The following GPC5 variants were observed in gnomAD, a reference collection of about 807,000 sequenced individuals.
The protein encoded by GPC5 is glypican 5, also known as glypican-5.
In GPC5, 47 loss-of-function variants were observed where a neutral mutation model predicts 53.9. That is an observed-to-expected ratio of 0.87 (90% CI 0.69 to 1.11). The LOEUF is 1.11. Among genes scored for constraint, GPC5 ranks in the 50% most tolerant of loss-of-function variants. The pLI is 0.00. For synonymous variants in GPC5, 286 were observed against 263.3 expected (o/e 1.09, Z -0.84); for missense variants, 748 against 713.1 (o/e 1.05, Z -0.56).
At chr13:92,267,401 A>T (rs1594051277) in intron 7 of GPC5, among the ~76,000 whole-genome samples, 2 of 151,896 alleles carry the variant, frequency 1.3e-5, no homozygotes, top group South Asian at 4.1e-4. Flanking sequence ...ATTTTATTTG[A>T]CTCAGCAGCC....
At chr13:91,506,840 T>G (rs936864718) in intron 2 of GPC5, among the ~76,000 whole-genome samples, 2 of 152,186 alleles carry the variant, frequency 1.3e-5, no homozygotes, top group African/African-American at 4.8e-5. Context: ...TCCTGCTTAA[T>G]AATTTGACTA....
chr13:92,817,401 T>A (rs1454353768), intron 7 of GPC5, among the ~76,000 whole-genome samples: 1 of 151,964 alleles, frequency 6.6e-6, no homozygotes, highest in Admixed American at 6.6e-5. Context: ...ATTTTTTAAG[T>A]CCTTCACCAA....
chr13:92,774,483 C>T (rs1875727457), intron 7 of GPC5, among the ~76,000 whole-genome samples: 1 of 152,162 alleles, frequency 6.6e-6, no homozygotes, highest in South Asian at 2.1e-4. Context: ...CCTCCTGGAG[C>T]TTGCAGGCTG....
At chr13:91,482,304 C>T (rs553606316) in intron 2 of GPC5, among the ~76,000 whole-genome samples, 12 of 152,248 alleles carry the variant, frequency 7.9e-5, no homozygotes, top group South Asian at 2.1e-4. Flanking sequence ...GTTCAAGGTA[C>T]CATCTTGGAA....
At chr13:92,794,024 A>G (rs931697793) in intron 7 of GPC5, among the ~76,000 whole-genome samples, 1 of 152,094 alleles carries the variant, frequency 6.6e-6, no homozygotes, top group Non-Finnish European at 1.5e-5. Flanking sequence ...ATCCTCCCTA[A>G]CTCATCTTAT....
intron 7 of GPC5, among the ~76,000 whole-genome samples, chr13:92,404,166 A>G (rs769133474): frequency 1.9e-4 from 29 of 152,248 alleles, no homozygotes; most frequent in Non-Finnish European, 3.8e-4. Context: ...AAATGTTTTC[A>G]GAATAGCTAA....
At position 91,693,789 on chromosome 13, in the gene GPC5, T is replaced by C. The variant is rs1362955115; in HGVS notation, c.928T>C (p.Tyr310His). 4 of 1,613,928 alleles carry C rather than the reference T, an allele frequency of 2.5e-6. No homozygotes were observed. The South Asian group carries it at 3.3e-5, about 13-fold the overall frequency. ...EELSDAMHGTYDIGHVLLNFH... is the reference protein window; with the variant it reads ...EELSDAMHGTHDIGHVLLNFH... ...ACTCTCGGATGCAATGCATGGAACATACGACATTGGACACGTGCTGCTGAA... is the reference window on the plus strand; with the variant it reads ...ACTCTCGGATGCAATGCATGGAACACACGACATTGGACACGTGCTGCTGAA... The change falls in exon 3 of 8, where the codon TAC (tyrosine) becomes CAC (histidine). Residue 310 changes from tyrosine to histidine, a missense_variant. Coordinates refer to ENST00000377067, the MANE Select transcript of GPC5 (RefSeq NM_004466.6).
intron 1 of GPC5, among the ~76,000 whole-genome samples, chr13:91,442,719 C>T (rs149055553): frequency 2.5e-3 from 386 of 152,278 alleles, no homozygotes; most frequent in African/African-American, 8.6e-3. Context: ...TTGATTCCTT[C>T]GGCAAGACGT....
chr13:91,474,312 G>A (rs1006242689), intron 2 of GPC5, among the ~76,000 whole-genome samples: 4 of 152,100 alleles, frequency 2.6e-5, no homozygotes, highest in East Asian at 1.9e-4. Flanking sequence ...AGTCCCTGAA[G>A]TGAAGTTGGT....
chr13:91,570,210 CT>C (rs1264167258), intron 2 of GPC5, among the ~76,000 whole-genome samples: 1 of 151,922 alleles, frequency 6.6e-6, no homozygotes, highest in Non-Finnish European at 1.5e-5. Context: ...ATGTTTTTTT[CT>C]TATTGAGATT....
chr13:92,865,310 G>C (rs908355908), intron 7 of GPC5, among the ~76,000 whole-genome samples: 2 of 151,370 alleles, frequency 1.3e-5, no homozygotes, highest in African/African-American at 4.9e-5. Flanking sequence ...TTGATCTGTT[G>C]ATAGATATCT....
chr13:92,602,589 G>A (rs1357703907), intron 7 of GPC5, among the ~76,000 whole-genome samples: 1 of 151,984 alleles, frequency 6.6e-6, no homozygotes, highest in East Asian at 1.9e-4. Context: ...TTTGAAGACT[G>A]CAAAGCCCTA....
rs149367834 is a variant in GPC5, at chr13:92,014,746, G to A, written c.1401+106689G>A. Reference sequence around the variant, plus strand: ...AATATATACATTATTGACTCAATTTGTTGGTGATATCTTGAATATTTTCTT... The same window carrying A: ...AATATATACATTATTGACTCAATTTATTGGTGATATCTTGAATATTTTCTT... On this transcript the variant is annotated intron_variant, in intron 6 of 7. Transcript: ENST00000377067. Among the ~76,000 whole-genome samples, 5 of 152,026 alleles carry A rather than the reference G, an allele frequency of 3.3e-5. 1 individual carries two copies. The highest frequency in any genetic ancestry group is 5.9e-5 in the Non-Finnish European group (4 of 67,996).
chr13:92,756,919 T>C (rs1161263382), intron 7 of GPC5, among the ~76,000 whole-genome samples: 45 of 151,434 alleles, frequency 3.0e-4, no homozygotes, highest in African/African-American at 8.5e-4. Context: ...AGGTAATTTA[T>C]AGATTCAATG....
intron 7 of GPC5, among the ~76,000 whole-genome samples, chr13:92,425,583 A>G (rs1187452474): frequency 6.6e-6 from 1 of 152,146 alleles, no homozygotes; most frequent in Admixed American, 6.6e-5. Flanking sequence ...GTCAGATTCC[A>G]GAGCCTATGT....
At chr13:92,669,179 T>A (rs1933188) in intron 7 of GPC5, among the ~76,000 whole-genome samples, 1 of 151,966 alleles carries the variant, frequency 6.6e-6, no homozygotes, top group Admixed American at 6.6e-5. Context: ...AGGGGTTTCA[T>A]TTCTGTATGT....
At chr13:92,465,205 T>C (rs1482123417) in intron 7 of GPC5, among the ~76,000 whole-genome samples, 1 of 152,074 alleles carries the variant, frequency 6.6e-6, no homozygotes, top group Admixed American at 6.6e-5. Context: ...GAATACACAT[T>C]GCATAAAAGT....
intron 2 of GPC5, among the ~76,000 whole-genome samples, chr13:91,478,914 T>C (rs1349859729): frequency 3.7e-5 from 5 of 136,122 alleles, no homozygotes; most frequent in Non-Finnish European, 7.8e-5. Flanking sequence ...CACATATATA[T>C]ATTCTTTTTT....
chr13:91,871,255 A>G (rs2039140785), intron 5 of GPC5, among the ~76,000 whole-genome samples: 1 of 152,208 alleles, frequency 6.6e-6, no homozygotes, highest in Admixed American at 6.5e-5. Flanking sequence ...TCGTACAAGA[A>G]CAGAAAACCA....
Sources: allele counts gnomAD v4.1 joint callset (sites outside exome capture counted in the v4.1 genomes callset), GRCh38; gene constraint gnomAD v4.1.1; transcripts MANE v1.5; gene names NCBI Gene and HGNC (gene_info 2026-07-23, HGNC 2026-07-21).